The following KIAA1328 variants were observed in gnomAD, a reference collection of about 807,000 sequenced individuals.
KIAA1328 encodes protein hinderin.
In KIAA1328, 52 loss-of-function variants were observed where a neutral mutation model predicts 68.1. That is an observed-to-expected ratio of 0.76 (90% CI 0.61 to 0.96). The LOEUF is 0.96. KIAA1328 is among the 40% of genes least tolerant of loss of function. The pLI is 0.00. For missense variants in KIAA1328, 641 were observed against 677.6 expected (o/e 0.95, Z 0.60); for synonymous variants, 232 against 239.4 (o/e 0.97, Z 0.28).
chr18:37,212,759 C>T (rs1047017642), intron 9 of KIAA1328, among the ~76,000 whole-genome samples: 4 of 152,212 alleles, frequency 2.6e-5, no homozygotes, highest in Admixed American at 6.5e-5. Flanking sequence ...TTCACTCTGT[C>T]GCCCAGGCTG....
intron 7 of KIAA1328, among the ~76,000 whole-genome samples, chr18:37,091,698 G>T (rs1445790710): frequency 2.0e-5 from 3 of 152,118 alleles, no homozygotes; most frequent in South Asian, 2.1e-4. Context: ...CATCTCTGGA[G>T]CCCTGCTGAC....
At chr18:36,968,926 A>G (rs984037238) in intron 6 of KIAA1328, among the ~76,000 whole-genome samples, 2 of 152,224 alleles carry the variant, frequency 1.3e-5, no homozygotes, top group African/African-American at 2.4e-5. Flanking sequence ...CCAAAATCAT[A>G]TATTAGCTAC....
At chr18:36,848,674 A>G (rs1043239040) in intron 4 of KIAA1328, among the ~76,000 whole-genome samples, 1 of 150,440 alleles carries the variant, frequency 6.6e-6, no homozygotes, top group Non-Finnish European at 1.5e-5. Flanking sequence ...ATTATGTACA[A>G]TGTAAGCTGT....
At chr18:37,179,090 A>G (rs113976165) in intron 9 of KIAA1328, among the ~76,000 whole-genome samples, 4 of 152,042 alleles carry the variant, frequency 2.6e-5, no homozygotes, top group African/African-American at 9.6e-5. Flanking sequence ...CCATTTGTCT[A>G]TTTTTGCTTT....
intron 7 of KIAA1328, among the ~76,000 whole-genome samples, chr18:37,076,918 G>T (rs951493964): frequency 2.0e-5 from 3 of 152,066 alleles, no homozygotes; most frequent in African/African-American, 7.3e-5. Context: ...AGGAGGAACT[G>T]GTACCATTCC....
chr18:36,998,647 C>G lies in KIAA1328; in HGVS notation c.576+39212C>G, dbSNP rs79440818. 2.7e-3 allele frequency among the ~76,000 whole-genome samples: 404 copies of G among 152,294 alleles called. 15 individuals are homozygous for G. The East Asian group carries it at 0.074, about 28-fold the overall frequency. ...TTCCATAATAACCACCCCCTAGCCC[C>G]TAAGGAAATCAGATACCACTAACAC... On this transcript the variant is annotated intron_variant, in intron 6 of 9. Coordinates refer to ENST00000280020, the MANE Select transcript of KIAA1328 (RefSeq NM_020776.3).
intron 4 of KIAA1328, among the ~76,000 whole-genome samples, chr18:36,864,209 G>C (rs2047664373): frequency 1.3e-5 from 2 of 151,554 alleles, no homozygotes; most frequent in South Asian, 4.2e-4. Context: ...GATTACATGA[G>C]TTTTCTTTAG....
chr18:37,225,654 G>A (rs2060630904), downstream of KIAA1328, among the ~76,000 whole-genome samples: 1 of 152,190 alleles, frequency 6.6e-6, no homozygotes. Flanking sequence ...GCTCAGCAAG[G>A]AAGAAGTATC....
intron 7 of KIAA1328, among the ~76,000 whole-genome samples, chr18:37,070,609 C>T (rs2056490503): frequency 1.3e-5 from 2 of 148,930 alleles, no homozygotes; most frequent in South Asian, 4.2e-4. Context: ...GAGTCTCTGT[C>T]GCTGAGGTTG....
intron 5 of KIAA1328, among the ~76,000 whole-genome samples, chr18:36,927,671 T>C (rs1250628450): frequency 6.6e-6 from 1 of 152,146 alleles, no homozygotes; most frequent in African/African-American, 2.4e-5. Flanking sequence ...GAGAATTACC[T>C]GAGCCTGAGA....
intron 6 of KIAA1328, among the ~76,000 whole-genome samples, chr18:37,002,932 ATATAT>A (rs1361097781): frequency 1.3e-5 from 2 of 152,098 alleles, no homozygotes; most frequent in Admixed American, 1.3e-4. Flanking sequence ...TGACTTTAAA[ATATAT>A]TGTAAGACCA....
downstream of KIAA1328, among the ~76,000 whole-genome samples, chr18:37,228,618 A>G (rs1246248377): frequency 2.0e-5 from 3 of 152,156 alleles, no homozygotes; most frequent in African/African-American, 7.2e-5. Flanking sequence ...CAGGAGTTCA[A>G]GACCAGCCTG....
At chr18:37,219,973 C>G (rs2060526435) in intron 9 of KIAA1328, among the ~76,000 whole-genome samples, 1 of 152,194 alleles carries the variant, frequency 6.6e-6, no homozygotes, top group Non-Finnish European at 1.5e-5. Flanking sequence ...CTGTATCCCC[C>G]AATTTTTTCT....
intron 7 of KIAA1328, among the ~76,000 whole-genome samples, chr18:37,115,228 C>A (rs563394468): frequency 2.0e-5 from 3 of 152,252 alleles, no homozygotes; most frequent in African/African-American, 7.2e-5. Context: ...GATTTTTAGA[C>A]CAATATCCCT....
At chr18:37,130,348 G>A (rs1259469851) in intron 7 of KIAA1328, among the ~76,000 whole-genome samples, 2 of 152,074 alleles carry the variant, frequency 1.3e-5, no homozygotes, top group South Asian at 2.1e-4. Flanking sequence ...TGCCGGGCAC[G>A]GTGGCTCACG....
intron 4 of KIAA1328, among the ~76,000 whole-genome samples, chr18:36,872,656 C>A (rs1221917774): frequency 6.6e-6 from 1 of 152,168 alleles, no homozygotes; most frequent in Non-Finnish European, 1.5e-5. Flanking sequence ...ACTTCAGTCT[C>A]TACTTCCTAC....
chr18:36,977,478 TG>T (rs1364582684), intron 6 of KIAA1328, among the ~76,000 whole-genome samples: 1 of 152,190 alleles, frequency 6.6e-6, no homozygotes, highest in Non-Finnish European at 1.5e-5. Context: ...GATTCTGGCC[TG>T]CTTGACAGAT....
intron 9 of KIAA1328, among the ~76,000 whole-genome samples, chr18:37,219,225 A>G (rs1043156019): frequency 2.0e-5 from 3 of 152,190 alleles, no homozygotes; most frequent in Admixed American, 1.3e-4. Context: ...AGGGGCACCC[A>G]GCTGTATGAG....
chr18:36,910,167 T>C (rs946921550), intron 5 of KIAA1328, among the ~76,000 whole-genome samples: 10 of 152,110 alleles, frequency 6.6e-5, no homozygotes, highest in Admixed American at 6.6e-5. Flanking sequence ...TGCCGTTGCT[T>C]TTGGTGTTTT....
Sources: gnomAD v4.1 joint callset for allele counts (sites outside exome capture counted in the v4.1 genomes callset) on GRCh38, gnomAD v4.1.1 for gene constraint, MANE v1.5 for transcripts, NCBI Gene and HGNC (gene_info 2026-07-23, HGNC 2026-07-21) for gene names.